Variants in GLIS3 observed in about 807,000 individuals in gnomAD.
GLIS3 encodes the protein GLIS family zinc finger 3, also known as zinc finger protein GLIS3.
GLIS3 carries 53 observed loss-of-function variants against 78.6 expected under a neutral mutation model. The ratio of observed to expected loss-of-function variants is 0.67; its 90% CI spans 0.54 to 0.85. The LOEUF (loss-of-function observed/expected upper bound fraction) is 0.85. GLIS3 is among the 40% of genes least tolerant of loss of function. The pLI, the probability that GLIS3 is intolerant of heterozygous loss-of-function variation, is 0.00. For missense variants in GLIS3, 1,703 were observed against 1,231.1 expected (o/e 1.38, Z -5.74); for synonymous variants, 684 against 509.9 (o/e 1.34, Z -4.60).
intron 2 of GLIS3, among the ~76,000 whole-genome samples, chr9:4,176,925 CTT>C (rs1353472074): frequency 1.3e-5 from 2 of 152,222 alleles, no homozygotes; most frequent in Non-Finnish European, 2.9e-5. Context: ...TGCCCGGCCT[CTT>C]TTACCGTATT....
At chr9:3,897,927 G>C (rs910368482) in intron 7 of GLIS3, among the ~76,000 whole-genome samples, 1 of 152,198 alleles carries the variant, frequency 6.6e-6, no homozygotes, top group African/African-American at 2.4e-5. Context: ...TCATTGTCTG[G>C]AATGTGGAGC....
intron 4 of GLIS3, among the ~76,000 whole-genome samples, chr9:4,091,718 T>C (rs942151099): frequency 2.8e-4 from 42 of 152,280 alleles, no homozygotes; most frequent in Non-Finnish European, 4.7e-4. Flanking sequence ...AGGATGTGTT[T>C]GCTTTCCCTT....
intron 8 of GLIS3, among the ~76,000 whole-genome samples, chr9:3,856,943 T>C (rs1472330993): frequency 1.3e-5 from 2 of 152,188 alleles, no homozygotes; most frequent in Admixed American, 1.3e-4. Context: ...AAATGGATGA[T>C]TGTACATTGA....
chr9:4,091,303 G>T (rs1460971765), intron 4 of GLIS3, among the ~76,000 whole-genome samples: 1 of 152,010 alleles, frequency 6.6e-6, no homozygotes, highest in Non-Finnish European at 1.5e-5. Flanking sequence ...GGAGTTCGAG[G>T]CTGAAGTGGG....
rs151236463 is a variant in GLIS3, at chr9:4,244,733, C to T, written c.388+41305G>A. On this transcript the variant is annotated intron_variant, in intron 2 of 10. Coordinates refer to ENST00000381971, the MANE Select transcript of GLIS3 (RefSeq NM_001042413.2). ...GGGATTAGAGGTGTCCGCCACCACACCCAGCTAATTTTTGTATTTTTAGTA... is the reference window on the plus strand; with the variant it reads ...GGGATTAGAGGTGTCCGCCACCACATCCAGCTAATTTTTGTATTTTTAGTA... Among the ~76,000 whole-genome samples, 1,410 of 152,174 alleles carry T rather than the reference C, an allele frequency of 9.3e-3. 10 individuals carry two copies. The highest frequency in any genetic ancestry group is 0.013 in the Non-Finnish European group (913 of 68,000).
chr9:4,418,825 T>C, the GLIS3 span, among the ~76,000 whole-genome samples: 2 of 152,174 alleles, frequency 1.3e-5, no homozygotes, highest in African/African-American at 4.8e-5. Flanking sequence ...TTTCAAGTGG[T>C]ACAGATGAAG....
rs575728639 is a variant in GLIS3, at chr9:4,132,453, G to T, written c.389-6512C>A. Among the ~76,000 whole-genome samples, 7 of 152,324 alleles carry T rather than the reference G, an allele frequency of 4.6e-5. No individual in the cohort carries two copies. The South Asian group carries it at 1.4e-3, about 32-fold the overall frequency. On this transcript the variant is annotated intron_variant, in intron 2 of 10. Transcript: ENST00000381971. ...ATCACTACTGAGGCTGCATCATTCA[G>T]AACTATTTATGTGTATCCACTGGTT...
intron 2 of GLIS3, among the ~76,000 whole-genome samples, chr9:4,320,939 A>G (rs1817514369): frequency 6.6e-6 from 1 of 151,762 alleles, no homozygotes; most frequent in Non-Finnish European, 1.5e-5. Flanking sequence ...CTGCTTGAGC[A>G]TTTTTCAATG....
chr9:4,293,515 A>G (rs569924367), intron 1 of GLIS3, among the ~76,000 whole-genome samples: 1 of 152,268 alleles, frequency 6.6e-6, no homozygotes, highest in South Asian at 2.1e-4. Flanking sequence ...TTTTTTGAAA[A>G]CCTCTGTGAA....
intron 4 of GLIS3, among the ~76,000 whole-genome samples, chr9:3,967,432 G>A (rs1333502612): frequency 6.6e-6 from 1 of 152,130 alleles, no homozygotes; most frequent in African/African-American, 2.4e-5. Context: ...GAACCCAGGA[G>A]GCAGAGGTTG....
At chr9:4,471,910 G>GA in the GLIS3 span, among the ~76,000 whole-genome samples, 4 of 152,058 alleles carry the variant, frequency 2.6e-5, no homozygotes, top group African/African-American at 7.2e-5. Flanking sequence ...AGATCTACAA[G>GA]AAAAAAACAA....
intron 2 of GLIS3, among the ~76,000 whole-genome samples, chr9:4,219,459 C>G (rs962533425): frequency 1.3e-5 from 2 of 152,218 alleles, no homozygotes; most frequent in African/African-American, 4.8e-5. Flanking sequence ...ACAAATGTCA[C>G]TGTTTCCTAT....
chr9:4,353,862 C>G, the GLIS3 span, among the ~76,000 whole-genome samples: 2 of 152,174 alleles, frequency 1.3e-5, no homozygotes, highest in African/African-American at 4.8e-5. Flanking sequence ...TGCAGGAAAT[C>G]TGTCGCCCAG....
chr9:4,044,438 C>G (rs891670449), intron 4 of GLIS3, among the ~76,000 whole-genome samples: 1 of 152,154 alleles, frequency 6.6e-6, no homozygotes, highest in African/African-American at 2.4e-5. Flanking sequence ...TCTCTGGTCT[C>G]TCATAGTCTC....
intron 2 of GLIS3, among the ~76,000 whole-genome samples, chr9:4,233,201 T>G (rs901949615): frequency 6.6e-6 from 1 of 152,244 alleles, no homozygotes; most frequent in African/African-American, 2.4e-5. Flanking sequence ...CTGATGCTCT[T>G]GGTTAGCTAT....
chr9:4,133,825 T>TACACACACACAC lies in GLIS3; in HGVS notation c.389-7896_389-7885dup, dbSNP rs138728219. On this transcript the variant is annotated intron_variant, in intron 2 of 10. Transcript: ENST00000381971. Reference sequence around the variant, plus strand: ...TGATGCCTTCCTGCCCAAGACCTTCTACACACACACACACACACACACACA... The same window carrying TACACACACACAC: ...TGATGCCTTCCTGCCCAAGACCTTCTACACACACACACACACACACACACACACACACACACA... Among the ~76,000 whole-genome samples, 912 of 121,728 alleles carry TACACACACACAC rather than the reference T, an allele frequency of 7.5e-3. 9 individuals carry two copies. The highest frequency in any genetic ancestry group is 7.0e-3 in the Non-Finnish European group (393 of 56,240). The allele number at this position is 121,728 out of a possible 152,430, so 79.9% of individuals were successfully genotyped here. A position where few individuals can be genotyped will look rare whatever the true frequency, so the allele number is the denominator to read the frequency against.
chr9:4,025,436 G>A (rs949229507), intron 4 of GLIS3, among the ~76,000 whole-genome samples: 5 of 152,224 alleles, frequency 3.3e-5, no homozygotes, highest in Admixed American at 3.3e-4. Context: ...TGGCCAGGCT[G>A]GAGTGGGGTG....
rs1024778004 is a variant in GLIS3, at chr9:4,204,623, CAAG to C, written c.389-78685_389-78683del. The stretch of plus-strand genomic sequence containing the variant: ...AGTTGATACCAAGAGAGTCAAGTAT[CAAG>C]AAGGAATCAGGCCGGGCACAGTGGC... On this transcript the variant is annotated intron_variant, in intron 2 of 10. Coordinates refer to ENST00000381971, the MANE Select transcript of GLIS3 (RefSeq NM_001042413.2). Among the ~76,000 whole-genome samples the C allele has an allele frequency of 1.3e-3, 191 of 152,156 alleles. 1 individual carries two copies. Among genetic ancestry groups the C allele is most frequent in the African/African-American group, 4.5e-3 (186 of 41,488 alleles).
intron 4 of GLIS3, among the ~76,000 whole-genome samples, chr9:4,019,143 T>C (rs553732642): frequency 1.1e-4 from 17 of 152,314 alleles, no homozygotes; most frequent in Non-Finnish European, 2.1e-4. Flanking sequence ...GATGAAAATA[T>C]AAAGAATGTT....
Sources: allele counts gnomAD v4.1 joint callset (sites outside exome capture counted in the v4.1 genomes callset), GRCh38; gene constraint gnomAD v4.1.1; transcripts MANE v1.5; gene names NCBI Gene and HGNC (gene_info 2026-07-23, HGNC 2026-07-21).